Variants in LRP2 observed in about 807,000 individuals in gnomAD.
LRP2 encodes LDL receptor related protein 2, also known as low-density lipoprotein receptor-related protein 2.
A neutral mutation model predicts 531.0 loss-of-function variants in LRP2; 172 were observed. That is an observed-to-expected ratio of 0.32 (90% CI 0.29 to 0.37). The LOEUF (loss-of-function observed/expected upper bound fraction) is 0.37. LRP2 is among the 10% of genes least tolerant of loss of function. The pLI, the probability that LRP2 is intolerant of heterozygous loss-of-function variation, is 1.00. For synonymous variants in LRP2, 1,992 were observed against 2,027.6 expected (o/e 0.98, Z 0.47); for missense variants, 5,167 against 5,868.3 (o/e 0.88, Z 3.90).
chr2:169,216,408 C>T lies in LRP2; in HGVS notation c.5671G>A (p.Gly1891Arg). 1 of 1,613,570 alleles carries T rather than the reference C, an allele frequency of 6.2e-7. No individual in the cohort carries two copies. Among genetic ancestry groups the T allele is most frequent in the South Asian group, 1.1e-5 (1 of 91,070 alleles). The change falls in exon 35 of 79, where the codon GGA (glycine) becomes AGA (arginine). Residue 1891 changes from glycine to arginine, a missense_variant. Coordinates refer to ENST00000649046, the MANE Select transcript of LRP2 (RefSeq NM_004525.3). ...ARGKLYWSDQ[G>R]TDSGVPAKIA... ...TTGGCAGGAACCCCACTGTCAGTTC[C>T]TTGGTCTGACCAGTACAGCTTCCTA...
intron 3 of LRP2, among the ~76,000 whole-genome samples, chr2:169,310,925 C>T (rs988598631): frequency 1.3e-5 from 2 of 152,100 alleles, no homozygotes; most frequent in African/African-American, 2.4e-5. Flanking sequence ...CTGGTTTAGT[C>T]TTGGGAGGGC....
intron 48 of LRP2, among the ~76,000 whole-genome samples, chr2:169,190,146 C>G (rs1443397286): frequency 1.3e-5 from 2 of 152,090 alleles, no homozygotes; most frequent in Non-Finnish European, 2.9e-5. Flanking sequence ...TATAGAAGTG[C>G]AACACAATAG....
At chr2:169,328,430 A>C (rs1685175128) in intron 1 of LRP2, among the ~76,000 whole-genome samples, 3 of 129,170 alleles carry the variant, frequency 2.3e-5, no homozygotes, top group South Asian at 2.5e-4. Context: ...CTCATTGAGA[A>C]CGGGCCGGGA....
Position 169,174,121 on chromosome 2 carries a change from T to A in LRP2, c.10812A>T (p.Lys3604Asn). 2 of 1,614,142 alleles carry A rather than the reference T, an allele frequency of 1.2e-6. No individual in the cohort carries two copies. The highest frequency in any genetic ancestry group is 2.2e-5 in the South Asian group (2 of 91,086). Residue 3604 changes from lysine (K) to asparagine (N), a missense_variant, in exon 56 of 79, where the codon AAA (lysine) becomes AAT (asparagine). Physicochemically the swap from Lys to Asn is moderately conservative, Grantham distance 94. Transcript: ENST00000649046. ...CDSNEWQCAN[K>N]RCIPESWQCD... The stretch of plus-strand genomic sequence containing the variant: ...ACTGCCAGGATTCTGGGATGCAACG[T>A]TTGTTGGCGCACTGCCATTCATTGG...
At position 169,142,670 on chromosome 2, in the gene LRP2, C is replaced by G; in HGVS notation, c.13108+4G>C. The G allele has an allele frequency of 6.2e-7, 1 of 1,613,766 alleles. No homozygotes were observed. Among genetic ancestry groups the G allele is most frequent in the Non-Finnish European group, 8.5e-7 (1 of 1,179,784 alleles). ...CCCCATAGCTGCTTGGGCAGTGCTC[C>G]TACCTGCATCACACTCAGTGGTGCT... On this transcript the variant is annotated splice_donor_region_variant and intron_variant, in intron 71 of 78. Transcript: ENST00000649046.
chr2:169,242,659 C>A (rs377533609), intron 24 of LRP2, among the ~76,000 whole-genome samples: 1 of 152,064 alleles, frequency 6.6e-6, no homozygotes, highest in South Asian at 2.1e-4. Flanking sequence ...AAGTTTAAAC[C>A]TACTAAAGTG....
Position 169,237,251 on chromosome 2 carries a change from C to T in LRP2, c.4543G>A (p.Ala1515Thr). 1.2e-6 allele frequency: 2 copies of T among 1,613,844 alleles called. No individual in the cohort carries two copies. Among genetic ancestry groups the T allele is most frequent in the Non-Finnish European group, 1.7e-6 (2 of 1,179,866 alleles). The stretch of plus-strand genomic sequence containing the variant: ...AGATTACGACCTACCCAATCTATTG[C>T]AATAGTTTCAGTCAAGATGATGCTA... ...DSSIILTETI[A>T]IDWVGRNLYW... The change falls in exon 28 of 79, where the codon GCA becomes ACA. Residue 1515 changes from alanine (A) to threonine (T), a missense_variant. Physicochemically the swap from Ala to Thr is moderately conservative, Grantham distance 58. Transcript: ENST00000649046.
intron 1 of LRP2, among the ~76,000 whole-genome samples, chr2:169,354,708 A>G (rs1450065539): frequency 1.3e-5 from 2 of 152,210 alleles, no homozygotes; most frequent in African/African-American, 4.8e-5. Context: ...TAAATTAGAG[A>G]CCAACAAAGT....
intron 48 of LRP2, among the ~76,000 whole-genome samples, chr2:169,188,834 T>C (rs1196821967): frequency 6.6e-6 from 1 of 152,176 alleles, no homozygotes; most frequent in Non-Finnish European, 1.5e-5. Flanking sequence ...AACACATATC[T>C]TCCCACTGGA....
At chr2:169,229,867 T>G (rs1448212991) in intron 31 of LRP2, among the ~76,000 whole-genome samples, 1 of 152,218 alleles carries the variant, frequency 6.6e-6, no homozygotes, top group Non-Finnish European at 1.5e-5. Flanking sequence ...AAACACTAGT[T>G]GAAAAGCTAT....
At chr2:169,360,386 C>T (rs1686117501) in intron 1 of LRP2, among the ~76,000 whole-genome samples, 1 of 152,052 alleles carries the variant, frequency 6.6e-6, no homozygotes, top group Non-Finnish European at 1.5e-5. Flanking sequence ...AAGCCTGCCA[C>T]ATATATGTGT....
At chr2:169,230,822 C>T (rs946283724) in intron 31 of LRP2, among the ~76,000 whole-genome samples, 2 of 152,150 alleles carry the variant, frequency 1.3e-5, no homozygotes, top group African/African-American at 4.8e-5. Context: ...ACTCTTCAAT[C>T]GACCCAATAA....
chr2:169,149,963 C>G (rs1031102578), intron 68 of LRP2, among the ~76,000 whole-genome samples: 9 of 152,010 alleles, frequency 5.9e-5, no homozygotes, highest in Non-Finnish European at 1.2e-4. Flanking sequence ...ACACTGGAAA[C>G]AGTCACATCA....
Position 169,194,995 on chromosome 2 carries a change from C to T in LRP2, c.8699-1103G>A, listed in dbSNP as rs2105316178. Among the ~76,000 whole-genome samples, 2 of 152,278 alleles carry T rather than the reference C, an allele frequency of 1.3e-5. 1 individual carries two copies. The highest frequency in any genetic ancestry group is 4.8e-5 in the African/African-American group (2 of 41,550). The stretch of plus-strand genomic sequence containing the variant: ...AAGCGCTAGGATTACAGGCGTGAGC[C>T]ACCGCGCCTGGCCTGATCCAGATTT... On this transcript the variant is annotated intron_variant, in intron 46 of 78. Coordinates refer to ENST00000649046, the MANE Select transcript of LRP2 (RefSeq NM_004525.3).
Position 169,241,457 on chromosome 2 carries a change from T to C in LRP2, c.3668-92A>G, listed in dbSNP as rs968636131. 7 of 1,400,726 alleles carry C rather than the reference T, an allele frequency of 5.0e-6. No homozygotes were observed. The African/African-American group carries it at 5.6e-5, about 11-fold the overall frequency. The allele number at this position is 1,400,726 out of a possible 1,614,324, so 86.8% of individuals were successfully genotyped here. A position where few individuals can be genotyped will look rare whatever the true frequency, so the allele number is the denominator to read the frequency against. ...TCAGAGGAAATGATTTTGGATCCAA[T>C]AGTAGGTTTATAGTAACAACTATGA... On this transcript the variant is annotated intron_variant, in intron 24 of 78. Coordinates refer to ENST00000649046, the MANE Select transcript of LRP2 (RefSeq NM_004525.3).
chr2:169,270,812 T>C, intron 16 of LRP2, 92 bp downstream of exon 16: 1 of 635,240 alleles, frequency 1.6e-6, no homozygotes, highest in Non-Finnish European at 2.6e-6. Context: ...AAAAATTAGA[T>C]ACTGAGTTTT....
At chr2:169,176,633 G>A (rs1032679016) in intron 53 of LRP2, 45 bp from the exon 54 acceptor site, 1 of 1,556,018 alleles carries the variant, frequency 6.4e-7, no homozygotes, top group Non-Finnish European at 8.9e-7. Context: ...CTGAAAGAGA[G>A]TATCAAGCAC....
chr2:169,228,819 T>C (rs372351289), intron 31 of LRP2, among the ~76,000 whole-genome samples: 2 of 151,926 alleles, frequency 1.3e-5, no homozygotes, highest in South Asian at 2.1e-4. Context: ...AGGGGAGTAA[T>C]AGAAAGGAAC....
At chr2:169,236,498 T>A (rs1689610699) in intron 28 of LRP2, among the ~76,000 whole-genome samples, 1 of 152,334 alleles carries the variant, frequency 6.6e-6, no homozygotes, top group Non-Finnish European at 1.5e-5. Context: ...TACTTTACAA[T>A]ATCTAGGAAT....
Sources: gnomAD v4.1 joint callset for allele counts (sites outside exome capture counted in the v4.1 genomes callset) on GRCh38, gnomAD v4.1.1 for gene constraint, MANE v1.5 for transcripts, NCBI Gene and HGNC (gene_info 2026-07-23, HGNC 2026-07-21) for gene names.